The following CHD1 variants were observed in gnomAD, a reference collection of about 807,000 sequenced individuals.
CHD1 encodes the protein chromodomain helicase DNA binding protein 1, also known as ATP-dependent chromatin remodeler CHD1.
A neutral mutation model predicts 224.2 loss-of-function variants in CHD1; 36 were observed. The ratio of observed to expected loss-of-function variants is 0.16; its 90% CI spans 0.12 to 0.21. The LOEUF (loss-of-function observed/expected upper bound fraction) is 0.21, where lower values mean the gene tolerates loss of function less well. Ranked by LOEUF, CHD1 falls within the 10% of genes least tolerant of loss-of-function variation. CHD1 has a pLI of 1.00. For missense variants in CHD1, 1,378 were observed against 1,994.8 expected (o/e 0.69, Z 5.89); for synonymous variants, 668 against 658.3 (o/e 1.01, Z -0.23).
intron 17 of CHD1, chr5:98,886,015 T>C (rs543946169): frequency 2.1e-4 from 36 of 168,690 alleles, no homozygotes; most frequent in Admixed American, 1.9e-3. Context: ...AAAATGTTGG[T>C]GCAACCCATT....
In CHD1 at chr5:98,876,535, C is replaced by A. The variant is rs1461392013; in HGVS notation, c.3261G>T (p.Gly1087=). ...AGTATCTCCTACTTCTACTGCGCCTCCCTTCACTTCCATTGAAACTAATCT... is the reference window on the plus strand; with the variant it reads ...AGTATCTCCTACTTCTACTGCGCCTACCTTCACTTCCATTGAAACTAATCT... The part of the protein sequence containing the change: ...AKQISFNGSE[G]RRSRSRRYSG... Residue 1087 remains glycine, a synonymous_variant, in exon 24 of 36, where the codon GGG becomes GGT. Transcript: ENST00000614616. The A allele has an allele frequency of 6.2e-7, 1 of 1,613,778 alleles. No homozygotes were observed. Among genetic ancestry groups the A allele is most frequent in the South Asian group, 1.1e-5 (1 of 91,060 alleles).
intron 8 of CHD1, 66 bp downstream of exon 8, chr5:98,899,414 T>C: frequency 9.9e-7 from 1 of 1,005,944 alleles, no homozygotes; most frequent in East Asian, 2.5e-5. Flanking sequence ...ATGTATTCTT[T>C]ATTAACATAA....
chr5:98,889,340 G>C, intron 15 of CHD1, 102 bp from the exon 16 acceptor site: 1 of 768,328 alleles, frequency 1.3e-6, no homozygotes, highest in East Asian at 2.7e-5. Flanking sequence ...TAGTACCAAA[G>C]TAAAACTGTA....
chr5:98,891,262 G>A (rs1751005814), intron 15 of CHD1, among the ~76,000 whole-genome samples: 1 of 152,058 alleles, frequency 6.6e-6, no homozygotes, highest in Non-Finnish European at 1.5e-5. Context: ...CTTGAGTAGA[G>A]ACAGGGTTTT....
At chr5:98,861,303 G>C (rs1010379449) in intron 32 of CHD1, among the ~76,000 whole-genome samples, 2 of 152,048 alleles carry the variant, frequency 1.3e-5, no homozygotes, top group African/African-American at 4.8e-5. Context: ...GCTAGAATGA[G>C]GCATATTTAA....
chr5:98,922,958 C>T (rs562585756), intron 2 of CHD1, among the ~76,000 whole-genome samples: 1 of 151,942 alleles, frequency 6.6e-6, no homozygotes, highest in South Asian at 2.1e-4. Context: ...CGCTGCACTG[C>T]AGCCTGGGCG....
chr5:98,881,916 A>G, intron 20 of CHD1, 59 bp downstream of exon 20: 2 of 1,440,140 alleles, frequency 1.4e-6, no homozygotes, highest in Non-Finnish European at 1.9e-6. Context: ...GATGTAACAT[A>G]TCAAAAATAT....
chr5:98,890,324 A>T (rs557068563), intron 15 of CHD1, among the ~76,000 whole-genome samples: 6 of 152,330 alleles, frequency 3.9e-5, no homozygotes, highest in African/African-American at 1.4e-4. Flanking sequence ...ACCACTAGTT[A>T]TACAGGCAGT....
Position 98,868,615 on chromosome 5 carries a change from A to G in CHD1, c.4128T>C (p.Asp1376=), listed in dbSNP as rs1330441539. 1 of 1,599,206 alleles carries G rather than the reference A, an allele frequency of 6.3e-7. No individual in the cohort carries two copies. Among genetic ancestry groups the G allele is most frequent in the South Asian group, 1.1e-5 (1 of 88,044 alleles). ...AAGATTTCTTGGATCTTTCCCTACC[A>G]TCAGACTTGGATTCACTCAACTAAA... ...DDDKLSESKS[D]GRERSKKSSV... Residue 1376 remains aspartate, a synonymous_variant, in exon 31 of 36, where the codon GAT becomes GAC. Coordinates refer to ENST00000614616, the MANE Select transcript of CHD1 (RefSeq NM_001270.4).
chr5:98,923,565 C>A (rs1753248750), intron 2 of CHD1, among the ~76,000 whole-genome samples: 1 of 151,944 alleles, frequency 6.6e-6, no homozygotes, highest in African/African-American at 2.4e-5. Context: ...GGATTACAGG[C>A]CACCACACCC....
chr5:98,881,438 CT>C, intron 20 of CHD1, 63 bp from the exon 21 acceptor site: 2 of 735,014 alleles, frequency 2.7e-6, no homozygotes, highest in Non-Finnish European at 4.4e-6. Flanking sequence ...TTACACAGCA[CT>C]TTTATTAATT....
At chr5:98,893,278 T>A (rs1751138126) in intron 14 of CHD1, 138 bp downstream of exon 14, 1 of 534,874 alleles carries the variant, frequency 1.9e-6, no homozygotes, top group Admixed American at 3.9e-5. Context: ...GACCTCATTT[T>A]CCTTTTTAAA....
In CHD1 at chr5:98,899,482, T is replaced by C. The variant is rs1243100298; in HGVS notation, c.1083A>G (p.Arg361=). ...TATATGATATACAGCATACTTACCA[T>C]CTTTTTGTTTCCTGATCTTTTTTCT... ...NYKKKDQETK[R]WLKNASPEDV... The change falls in exon 8 of 36, where the codon AGA becomes AGG. Residue 361 remains arginine (R), a splice_region_variant and synonymous_variant. Coordinates refer to ENST00000614616, the MANE Select transcript of CHD1 (RefSeq NM_001270.4). 3 of 1,565,712 alleles carry C rather than the reference T, an allele frequency of 1.9e-6. No homozygotes were observed. Among genetic ancestry groups the C allele is most frequent in the Non-Finnish European group, 2.6e-6 (3 of 1,138,102 alleles).
chr5:98,881,626 C>T lies in CHD1; in HGVS notation c.2868-251G>A, dbSNP rs11242525. Reference sequence around the variant, plus strand: ...CCGGGCTCAACTGATCCTCCCACCTCAGCCTCCTGAGTAGCTGGGACTACA... The same window carrying T: ...CCGGGCTCAACTGATCCTCCCACCTTAGCCTCCTGAGTAGCTGGGACTACA... On this transcript the variant is annotated intron_variant, in intron 20 of 35. Coordinates refer to ENST00000614616, the MANE Select transcript of CHD1 (RefSeq NM_001270.4). Among the ~76,000 whole-genome samples the T allele has an allele frequency of 4.6e-3, 698 of 152,214 alleles. 7 individuals carry two copies. The highest frequency in any genetic ancestry group is 0.015 in the African/African-American group (640 of 41,526).
intron 2 of CHD1, among the ~76,000 whole-genome samples, chr5:98,917,470 G>C (rs1434373229): frequency 6.6e-6 from 1 of 152,018 alleles, no homozygotes; most frequent in African/African-American, 2.4e-5. Flanking sequence ...TTGATTATAA[G>C]CTTTAAAGGA....
chr5:98,867,767 C>T (rs543144346), intron 31 of CHD1, among the ~76,000 whole-genome samples: 1 of 151,616 alleles, frequency 6.6e-6, no homozygotes, highest in African/African-American at 2.4e-5. Flanking sequence ...AGCACCTGGG[C>T]CCACCTTGGC....
At chr5:98,922,423 C>G (rs1458436746) in intron 2 of CHD1, among the ~76,000 whole-genome samples, 1 of 152,144 alleles carries the variant, frequency 6.6e-6, no homozygotes, top group African/African-American at 2.4e-5. Context: ...CCTGTGTATT[C>G]TTCTTCCTTT....
rs144199650 is a variant in CHD1, at chr5:98,881,411, A to C, written c.2868-36T>G. 600 of 1,009,070 alleles carry C rather than the reference A, an allele frequency of 5.9e-4. 5 individuals are homozygous for C. In the East Asian group the frequency reaches 0.014, roughly 23 times the overall value. 62.5% of individuals were successfully genotyped at this position (1,009,070 alleles called of 1,614,324 possible). A position where few individuals can be genotyped will look rare whatever the true frequency, so the allele number is the denominator to read the frequency against. On this transcript the variant is annotated intron_variant, in intron 20 of 35. Coordinates refer to ENST00000614616, the MANE Select transcript of CHD1 (RefSeq NM_001270.4). ...AAAAACAAAAATGCTTAACATTAAC[A>C]GTTAAAAATATAACAGTTACACAGC...
chr5:98,872,713 T>C (rs1002350523), intron 26 of CHD1, among the ~76,000 whole-genome samples, 158 bp from the exon 27 acceptor site: 6 of 152,350 alleles, frequency 3.9e-5, no homozygotes, highest in African/African-American at 9.6e-5. Flanking sequence ...TCATTACATA[T>C]GAACAAGTGA....
Sources: allele counts gnomAD v4.1 joint callset (sites outside exome capture counted in the v4.1 genomes callset), GRCh38; gene constraint gnomAD v4.1.1; transcripts MANE v1.5; gene names NCBI Gene and HGNC (gene_info 2026-07-23, HGNC 2026-07-21).